KTN1: variants seen among roughly 807,000 people sequenced by gnomAD.
The protein encoded by KTN1 is kinectin.
A neutral mutation model predicts 222.5 loss-of-function variants in KTN1; 130 were observed. The ratio of observed to expected loss-of-function variants is 0.58; its 90% CI spans 0.51 to 0.68. The LOEUF is 0.68. Ranked by LOEUF, KTN1 falls within the 30% of genes least tolerant of loss-of-function variation. The probability of loss-of-function intolerance (pLI) is 0.00; values close to 1 mark genes in which losing one functional copy is unlikely to be tolerated. For synonymous variants in KTN1, 512 were observed against 496.3 expected, an observed-to-expected ratio of 1.03 and a Z score of -0.42; for missense variants, 1,508 against 1,500.4, an observed-to-expected ratio of 1.01 and a Z score of -0.08.
chr14:55,611,650 A>G (rs1407165065), intron 1 of KTN1, among the ~76,000 whole-genome samples: 1 of 152,188 alleles, frequency 6.6e-6, no homozygotes, highest in Non-Finnish European at 1.5e-5. Flanking sequence ...TTTCACGTGT[A>G]GTAGTTATCA....
At chr14:55,585,733 G>A (rs924084678) in intron 1 of KTN1, among the ~76,000 whole-genome samples, 1 of 152,150 alleles carries the variant, frequency 6.6e-6, no homozygotes, top group African/African-American at 2.4e-5. Context: ...GAGAGTAATT[G>A]CTAGCCAGAA....
intron 27 of KTN1, 36 bp downstream of exon 27, chr14:55,653,121 G>A (rs1050695830): frequency 1.5e-6 from 2 of 1,297,404 alleles, no homozygotes; most frequent in South Asian, 1.2e-5. Context: ...TGTTACATAA[G>A]GAATGATAAA....
At chr14:55,595,105 C>A (rs1433116825) in intron 1 of KTN1, among the ~76,000 whole-genome samples, 1 of 152,166 alleles carries the variant, frequency 6.6e-6, no homozygotes. Flanking sequence ...CTTTCTTGCT[C>A]TGCATATGTA....
chr14:55,609,139 G>A (rs754887905), intron 1 of KTN1, among the ~76,000 whole-genome samples: 2 of 151,700 alleles, frequency 1.3e-5, no homozygotes, highest in South Asian at 4.2e-4. Flanking sequence ...CATCCTGTAC[G>A]TTCCCTCCTC....
At chr14:55,677,294 G>A (rs2141379778) in intron 41 of KTN1, among the ~76,000 whole-genome samples, 1 of 152,124 alleles carries the variant, frequency 6.6e-6, no homozygotes, top group Non-Finnish European at 1.5e-5. Flanking sequence ...TGGCCAACAT[G>A]GTGAAACCCC....
intron 40 of KTN1, chr14:55,674,558 A>T (rs1467236094): frequency 6.6e-6 from 1 of 152,146 alleles, no homozygotes; most frequent in Non-Finnish European, 1.5e-5. Context: ...TATGCTATGC[A>T]TTGCACAGAT....
intron 1 of KTN1, among the ~76,000 whole-genome samples, chr14:55,592,617 G>C (rs934711148): frequency 5.9e-5 from 9 of 152,138 alleles, no homozygotes; most frequent in African/African-American, 2.2e-4. Flanking sequence ...ATGTAGGAGT[G>C]TTTTGAAAAA....
chr14:55,649,011 G>A (rs996302650), intron 21 of KTN1, 141 bp downstream of exon 21: 4 of 620,064 alleles, frequency 6.5e-6, no homozygotes, highest in South Asian at 2.0e-5. Flanking sequence ...CCGTAACCTC[G>A]AACTCCTGGG....
chr14:55,646,834 GTCT>G, intron 18 of KTN1, 136 bp from the exon 19 acceptor site: 1 of 609,730 alleles, frequency 1.6e-6, no homozygotes, highest in South Asian at 1.8e-5. Flanking sequence ...TAATTATCAA[GTCT>G]TCAGATAAGT....
At chr14:55,672,801 C>G in intron 38 of KTN1, 100 bp downstream of exon 38, 2 of 1,050,490 alleles carry the variant, frequency 1.9e-6, no homozygotes, top group East Asian at 2.5e-5. Flanking sequence ...TAGTTATGCT[C>G]TTAATATCTT....
At chr14:55,672,786 C>G in intron 38 of KTN1, 85 bp downstream of exon 38, 1 of 1,086,716 alleles carries the variant, frequency 9.2e-7, no homozygotes, top group South Asian at 1.4e-5. Flanking sequence ...TTTAAGATTA[C>G]TTTATAGTTA....
At chr14:55,627,882 A>G (rs370780883) in intron 5 of KTN1, 30 bp from the exon 6 acceptor site, 2 of 1,263,380 alleles carry the variant, frequency 1.6e-6, no homozygotes, top group African/African-American at 1.5e-5. Flanking sequence ...GGTAACTATT[A>G]CTAATTCTGC....
intron 1 of KTN1, among the ~76,000 whole-genome samples, chr14:55,607,164 C>T (rs1302830800): frequency 6.6e-6 from 1 of 151,968 alleles, no homozygotes; most frequent in African/African-American, 2.4e-5. Flanking sequence ...GTCATTGTGC[C>T]TTCTGAGAAG....
At chr14:55,654,561 C>G (rs533191347) in intron 28 of KTN1, among the ~76,000 whole-genome samples, 2 of 140,154 alleles carry the variant, frequency 1.4e-5, no homozygotes, top group South Asian at 2.3e-4. Flanking sequence ...TTGCCATTTT[C>G]TTTTTTAAAT....
At chr14:55,678,279 G>T in intron 41 of KTN1, 73 bp from the exon 42 acceptor site, 1 of 933,612 alleles carries the variant, frequency 1.1e-6, no homozygotes. Flanking sequence ...TCTACAAAAT[G>T]AATAAAATTA....
rs550380562 is a variant in KTN1 at position 55,608,448 on chromosome 14, A to T, written c.-30-3571A>T. ...TTAGTACTGAACTTGCATACATAAA[A>T]TGTTTTGATCATATAATTACATATG... is the stretch of plus-strand genomic sequence containing the variant. On this transcript the variant is annotated intron_variant, in intron 1 of 43. Coordinates refer to ENST00000395314, the MANE Select transcript of KTN1 (RefSeq NM_001079521.2). Among the ~76,000 whole-genome samples, 11 of 152,300 alleles carry T rather than the reference A, an allele frequency of 7.2e-5. No homozygotes were observed. In the South Asian group the frequency reaches 2.1e-3, roughly 29 times the overall value.
At chr14:55,613,153 G>A (rs1318737883) in intron 2 of KTN1, among the ~76,000 whole-genome samples, 3 of 152,162 alleles carry the variant, frequency 2.0e-5, no homozygotes, top group Non-Finnish European at 4.4e-5. Context: ...GTGCGTTTTC[G>A]AGGTAGTCGT....
chr14:55,684,440 T>C lies in KTN1; in HGVS notation c.*337T>C, dbSNP rs1335139396. The C allele has an allele frequency of 7.9e-6, 2 of 254,102 alleles. No homozygotes were observed. The highest frequency in any genetic ancestry group is 1.5e-5 in the Non-Finnish European group (2 of 133,272). The allele number at this position is 254,102 out of a possible 1,614,324, so 15.7% of individuals were successfully genotyped here. A position where few individuals can be genotyped will look rare whatever the true frequency, so the allele number is the denominator to read the frequency against. ...GACAATGTAAAATTTAACATTTTAA[T>C]ACTGATGTTGTACACTGTTTTACTT... On this transcript the variant is annotated 3_prime_UTR_variant, in exon 44 of 44. Coordinates refer to ENST00000395314, the MANE Select transcript of KTN1 (RefSeq NM_001079521.2).
At chr14:55,624,606 A>G (rs2039564743) in intron 5 of KTN1, among the ~76,000 whole-genome samples, 2 of 152,220 alleles carry the variant, frequency 1.3e-5, no homozygotes, top group South Asian at 2.1e-4. Flanking sequence ...TCCACTATCA[A>G]CAGTACATAT....
Sources: gnomAD v4.1 joint callset for allele counts (sites outside exome capture counted in the v4.1 genomes callset) on GRCh38, gnomAD v4.1.1 for gene constraint, MANE v1.5 for transcripts, NCBI Gene and HGNC (gene_info 2026-07-23, HGNC 2026-07-21) for gene names.